DENND5A: variants seen among roughly 807,000 people sequenced by gnomAD.
The protein encoded by DENND5A is DENN domain-containing protein 5A.
Under a neutral mutation model 140.3 loss-of-function variants are expected in DENND5A, and 64 were observed. The ratio of observed to expected loss-of-function variants is 0.46; its 90% CI spans 0.37 to 0.56. The LOEUF is 0.56. Among genes scored for constraint, DENND5A ranks in the 20% least tolerant of loss-of-function variants. The pLI is 0.00. For missense variants in DENND5A, 1,292 were observed against 1,593.8 expected (o/e 0.81, Z 3.22); for synonymous variants, 605 against 607.7 (o/e 1.00, Z 0.07).
At chr11:9,155,359 T>A (rs1847768963) in intron 12 of DENND5A, among the ~76,000 whole-genome samples, 1 of 152,122 alleles carries the variant, frequency 6.6e-6, no homozygotes, top group African/African-American at 2.4e-5. Context: ...ACACATTAAG[T>A]ACAGCTGGTG....
In DENND5A at chr11:9,264,923, GGGCGCGGGAAAGCGCCCCGGGCTC is replaced by G; in HGVS notation, c.109+14_109+37del. On this transcript the variant is annotated intron_variant, in intron 1 of 22. Coordinates refer to ENST00000328194, the MANE Select transcript of DENND5A (RefSeq NM_015213.4). ...TTCTTCTGGGGTCCCCGACGACAGC[GGGCGCGGGAAAGCGCCCCGGGCTC>G]GGCGCGCACTCACCCGACAGCTCGT... The G allele has an allele frequency of 2.0e-6, 3 of 1,489,142 alleles. No individual in the cohort carries two copies. The highest frequency in any genetic ancestry group is 2.7e-6 in the Non-Finnish European group (3 of 1,100,496). The allele number at this position is 1,489,142 out of a possible 1,614,324, so 92.2% of individuals were successfully genotyped here.
intron 1 of DENND5A, among the ~76,000 whole-genome samples, chr11:9,213,791 A>G (rs1274336099): frequency 4.0e-5 from 2 of 50,452 alleles, no homozygotes; most frequent in Non-Finnish European, 7.6e-5. Flanking sequence ...TGGGTGGCTG[A>G]GCGAGACTCC....
chr11:9,225,001 T>C (rs1452225094), intron 1 of DENND5A, among the ~76,000 whole-genome samples: 1 of 152,184 alleles, frequency 6.6e-6, no homozygotes, highest in Non-Finnish European at 1.5e-5. Context: ...GTAGTTCATA[T>C]GACATGGTTT....
rs1462324172 is a variant in DENND5A, at chr11:9,265,079, G to A, written c.-10C>T. 6.0e-6 allele frequency: 9 copies of A among 1,503,374 alleles called. No individual in the cohort carries two copies. The highest frequency in any genetic ancestry group is 8.0e-6 in the Non-Finnish European group (9 of 1,124,998). The allele number at this position is 1,503,374 out of a possible 1,614,324, so 93.1% of individuals were successfully genotyped here. ...CGCCGCCGCCACTCATGGCGCCGGG[G>A]CCGAGACCGGCCGGGCAGTGCGGAG... is the stretch of plus-strand genomic sequence containing the variant. On this transcript the variant is annotated 5_prime_UTR_variant, in exon 1 of 23. Coordinates refer to ENST00000328194, the MANE Select transcript of DENND5A (RefSeq NM_015213.4). The surrounding 1 kb of genome is among the most constrained non-coding windows in gnomAD (Gnocchi z 4.7).
chr11:9,152,607 G>C (rs1279705047), intron 12 of DENND5A, among the ~76,000 whole-genome samples, 165 bp from the exon 13 acceptor site: 3 of 152,106 alleles, frequency 2.0e-5, no homozygotes, highest in African/African-American at 7.2e-5. Context: ...CTAAAATCCA[G>C]AAGAAATATA....
intron 9 of DENND5A, chr11:9,170,407 T>A: frequency 1.8e-6 from 1 of 558,148 alleles, no homozygotes; most frequent in Non-Finnish European, 2.3e-6. Flanking sequence ...GTCCTAGACA[T>A]ATGGAGCTAT....
In DENND5A at chr11:9,170,620, G is replaced by C; in HGVS notation, c.2057+7C>G. 1 of 1,613,808 alleles carries C rather than the reference G, an allele frequency of 6.2e-7. No homozygotes were observed. The highest frequency in any genetic ancestry group is 8.5e-7 in the Non-Finnish European group (1 of 1,179,928). On this transcript the variant is annotated splice_region_variant and intron_variant, in intron 9 of 22. Transcript: ENST00000328194. ...GTTGGATTAGTGAATCCCTGGGGTT[G>C]ACTCACTTGTTGCTGGCTGGCCCAG...
chr11:9,253,712 G>C (rs569751453), intron 1 of DENND5A, among the ~76,000 whole-genome samples: 54 of 152,140 alleles, frequency 3.5e-4, no homozygotes, highest in African/African-American at 1.1e-3. Context: ...AGACCAGCCT[G>C]GGCCCATTAG....
intron 2 of DENND5A, 21 bp downstream of exon 2, chr11:9,207,540 T>C (rs760806847): frequency 1.0e-5 from 16 of 1,591,654 alleles, no homozygotes; most frequent in Non-Finnish European, 1.4e-5. Flanking sequence ...TTGGGTGTTC[T>C]CAATTTTGTT....
At chr11:9,157,004 T>C (rs184543553) in intron 12 of DENND5A, among the ~76,000 whole-genome samples, 111 of 152,240 alleles carry the variant, frequency 7.3e-4, no homozygotes, top group African/African-American at 2.3e-3. Context: ...TTAGAACATA[T>C]AATGATACGA....
intron 1 of DENND5A, among the ~76,000 whole-genome samples, chr11:9,263,206 C>A (rs1162243289): frequency 1.3e-5 from 2 of 151,708 alleles, no homozygotes; most frequent in Non-Finnish European, 2.9e-5. Context: ...CTTTTTTCTT[C>A]TTTTTCTTTT....
intron 21 of DENND5A, among the ~76,000 whole-genome samples, chr11:9,142,463 A>G (rs1847278055): frequency 1.3e-5 from 2 of 152,158 alleles, no homozygotes; most frequent in Admixed American, 1.3e-4. Context: ...AAGTGTGAGG[A>G]CTCAGGACTA....
chr11:9,225,120 C>G (rs1045413859), intron 1 of DENND5A, among the ~76,000 whole-genome samples: 6 of 152,086 alleles, frequency 3.9e-5, no homozygotes, highest in Non-Finnish European at 7.4e-5. Flanking sequence ...TCTTTTTTGA[C>G]AATGTATCTC....
intron 5 of DENND5A, among the ~76,000 whole-genome samples, chr11:9,181,485 A>G (rs989569252): frequency 2.2e-4 from 33 of 152,212 alleles, no homozygotes; most frequent in African/African-American, 7.2e-4. Flanking sequence ...TGCAATGCCA[A>G]CACTCTGGGA....
At chr11:9,193,342 C>A in intron 5 of DENND5A, 152 bp downstream of exon 5, 1 of 533,460 alleles carries the variant, frequency 1.9e-6, no homozygotes, top group East Asian at 3.3e-5. Flanking sequence ...ACTAAATATT[C>A]ATTGTTTTTA....
intron 10 of DENND5A, 80 bp downstream of exon 10, chr11:9,169,776 C>A: frequency 1.1e-6 from 1 of 937,536 alleles, no homozygotes; most frequent in Non-Finnish European, 1.7e-6. Context: ...TTGAATCAGA[C>A]CAGAGAACAG....
intron 1 of DENND5A, among the ~76,000 whole-genome samples, chr11:9,224,772 C>T (rs549085089): frequency 1.5e-4 from 23 of 151,030 alleles, no homozygotes; most frequent in African/African-American, 5.6e-4. Context: ...GCAAGAGAAT[C>T]GCTTGAACCT....
chr11:9,169,530 A>AC (rs1264529514), intron 10 of DENND5A, among the ~76,000 whole-genome samples: 6 of 130,282 alleles, frequency 4.6e-5, no homozygotes, highest in Admixed American at 1.5e-4. Flanking sequence ...CACACACACA[A>AC]AACTCACACC....
intron 11 of DENND5A, among the ~76,000 whole-genome samples, chr11:9,165,603 C>G (rs767066829): frequency 2.0e-5 from 3 of 152,134 alleles, no homozygotes; most frequent in Non-Finnish European, 4.4e-5. Context: ...CCATGCCCAT[C>G]TTAATACTTT....
Sources: gnomAD v4.1 joint callset for allele counts (sites outside exome capture counted in the v4.1 genomes callset) on GRCh38, gnomAD v4.1.1 for gene constraint, Gnocchi (gnomAD v3.1) non-coding constraint, MANE v1.5 for transcripts, NCBI Gene and HGNC (gene_info 2026-07-23, HGNC 2026-07-21) for gene names.